Variants in TENM3 observed in about 807,000 individuals in gnomAD.
The protein encoded by TENM3 is teneurin-3.
Under a neutral mutation model 255.1 loss-of-function variants are expected in TENM3, and 63 were observed. The ratio of observed to expected loss-of-function variants is 0.25; its 90% CI spans 0.20 to 0.30. The LOEUF is 0.30. TENM3 is among the 10% of genes least tolerant of loss of function. The pLI is 1.00. For synonymous variants in TENM3, 1,306 were observed against 1,322.3 expected (o/e 0.99, Z 0.27); for missense variants, 2,929 against 3,461.1 (o/e 0.85, Z 3.86).
At chr4:182,070,177 C>T in the TENM3 span, among the ~76,000 whole-genome samples, 5 of 152,108 alleles carry the variant, frequency 3.3e-5, no homozygotes, top group South Asian at 2.1e-4. Flanking sequence ...TGGGTAGGGA[C>T]GATGTACCAT....
At chr4:182,731,227 C>T (rs563654133) in intron 16 of TENM3, 88 bp downstream of exon 16, 71 of 1,364,578 alleles carry the variant, frequency 5.2e-5, no homozygotes, top group Middle Eastern at 2.4e-4. Flanking sequence ...TTATAGAGTC[C>T]GGGCACGGTG....
chr4:181,791,343 G>A, the TENM3 span, among the ~76,000 whole-genome samples: 1 of 152,218 alleles, frequency 6.6e-6, no homozygotes, highest in Non-Finnish European at 1.5e-5. Context: ...TTTAAATCAT[G>A]TTTGAAGTCT....
chr4:182,498,976 A>G (rs1308791946), intron 3 of TENM3, among the ~76,000 whole-genome samples: 1 of 152,254 alleles, frequency 6.6e-6, no homozygotes, highest in Admixed American at 6.5e-5. Flanking sequence ...GCAAGTTTCT[A>G]AAGAGATCTC....
intron 5 of TENM3, among the ~76,000 whole-genome samples, chr4:182,640,029 G>T (rs888887766): frequency 6.6e-6 from 1 of 152,236 alleles, no homozygotes; most frequent in African/African-American, 2.4e-5. Context: ...GGCGGAGGTT[G>T]CGGTGAGCTG....
chr4:182,082,426 G>A, the TENM3 span, among the ~76,000 whole-genome samples: 22 of 152,096 alleles, frequency 1.4e-4, no homozygotes, highest in Non-Finnish European at 2.8e-4. Flanking sequence ...CAAACATTCA[G>A]ACCATAGCAA....
chr4:182,261,745 C>T (rs1004709181), intron 1 of TENM3, among the ~76,000 whole-genome samples: 3 of 152,222 alleles, frequency 2.0e-5, no homozygotes, highest in African/African-American at 4.8e-5. Flanking sequence ...CCAGTCCTAA[C>T]GCACCAGGAT....
chr4:182,430,910 G>A (rs909906700), intron 3 of TENM3, among the ~76,000 whole-genome samples: 1 of 151,828 alleles, frequency 6.6e-6, no homozygotes, highest in African/African-American at 2.4e-5. Context: ...TACTCGGGAG[G>A]CTAAGATAGG....
In TENM3 at chr4:182,371,961, A is replaced by G. The variant is rs377708842; in HGVS notation, c.511+25032A>G. On this transcript the variant is annotated intron_variant, in intron 3 of 27. Transcript: ENST00000511685. Reference sequence around the variant, plus strand: ...GAGAATACAATATGTGAGTTAATGAAAGGCTGTTCCACGAACCTGATATTT... The same window carrying G: ...GAGAATACAATATGTGAGTTAATGAGAGGCTGTTCCACGAACCTGATATTT... Among the ~76,000 whole-genome samples, 155 of 152,336 alleles carry G rather than the reference A, an allele frequency of 1.0e-3. 5 individuals are homozygous for G. The South Asian group carries it at 0.031, about 30-fold the overall frequency.
intron 2 of TENM3, among the ~76,000 whole-genome samples, chr4:182,326,685 C>G (rs2150521991): frequency 6.6e-6 from 1 of 151,600 alleles, no homozygotes; most frequent in Non-Finnish European, 1.5e-5. Context: ...CAAGTGCACA[C>G]CACCACCATG....
At chr4:182,050,091 C>T in the TENM3 span, among the ~76,000 whole-genome samples, 1 of 152,006 alleles carries the variant, frequency 6.6e-6, no homozygotes, top group Non-Finnish European at 1.5e-5. Flanking sequence ...CTCCCAGGTT[C>T]AAGCAATTCT....
rs2152798038 is a variant in TENM3, at chr4:182,773,586, A to G, written c.5007A>G (p.Glu1669=). ...ITVDIESSSR[E]EDVSITSNLS... ...TGGACATTGAGTCATCTAGCCGAGAAGAAGATGTCAGCATCACTTCAAATC... is the reference window on the plus strand; with the variant it reads ...TGGACATTGAGTCATCTAGCCGAGAGGAAGATGTCAGCATCACTTCAAATC... The change falls in exon 23 of 28, where the codon GAA becomes GAG. Residue 1669 remains glutamate (E), a synonymous_variant. Coordinates refer to ENST00000511685, the MANE Select transcript of TENM3 (RefSeq NM_001080477.4). 1.2e-6 allele frequency: 2 copies of G among 1,613,936 alleles called. No individual in the cohort carries two copies. The highest frequency in any genetic ancestry group is 1.7e-6 in the Non-Finnish European group (2 of 1,179,850).
chr4:182,726,936 G>A (rs1421689556), intron 13 of TENM3, among the ~76,000 whole-genome samples: 2 of 152,014 alleles, frequency 1.3e-5, no homozygotes, highest in Non-Finnish European at 1.5e-5. Context: ...GGCTAGTATA[G>A]TATTTTTTTA....
the TENM3 span, among the ~76,000 whole-genome samples, chr4:181,829,672 T>C: frequency 2.3e-3 from 346 of 152,332 alleles, 4 homozygotes; most frequent in African/African-American, 7.8e-3. Flanking sequence ...TAGCAGATGC[T>C]GCTGAACCGC....
intron 1 of TENM3, among the ~76,000 whole-genome samples, chr4:182,228,767 T>C (rs1756367527): frequency 1.3e-5 from 2 of 152,332 alleles, no homozygotes; most frequent in African/African-American, 4.8e-5. Context: ...TTTCAGAAAT[T>C]CATCCTTCAC....
Position 182,727,693 on chromosome 4 carries a change from A to G in TENM3, c.2369-1272A>G, listed in dbSNP as rs140513488. ...TTTATGTCATCAATACTATAGGTCAATTTTTCATGATGGATTTCTTATTAT... is the reference window on the plus strand; with the variant it reads ...TTTATGTCATCAATACTATAGGTCAGTTTTTCATGATGGATTTCTTATTAT... On this transcript the variant is annotated intron_variant, in intron 13 of 27. Coordinates refer to ENST00000511685, the MANE Select transcript of TENM3 (RefSeq NM_001080477.4). Among the ~76,000 whole-genome samples the G allele has an allele frequency of 1.5e-3, 225 of 152,044 alleles. 1 individual carries two copies. The highest frequency in any genetic ancestry group is 6.8e-3 in the Middle Eastern group (2 of 292).
intron 3 of TENM3, among the ~76,000 whole-genome samples, chr4:182,359,320 G>C (rs1424460150): frequency 1.3e-5 from 2 of 152,028 alleles, no homozygotes; most frequent in African/African-American, 2.4e-5. Context: ...GCACCTCTGG[G>C]AGAATTCGGC....
intron 3 of TENM3, among the ~76,000 whole-genome samples, chr4:182,513,556 G>A (rs1173443623): frequency 6.6e-6 from 1 of 151,990 alleles, no homozygotes; most frequent in Non-Finnish European, 1.5e-5. Context: ...AATAGATCTG[G>A]GATTAAATCT....
chr4:181,899,595 G>GTC, the TENM3 span, among the ~76,000 whole-genome samples: 1 of 151,848 alleles, frequency 6.6e-6, no homozygotes, highest in African/African-American at 2.4e-5. Context: ...TTGAGACAGA[G>GTC]TCTCTCTCTG....
intron 3 of TENM3, among the ~76,000 whole-genome samples, chr4:182,588,713 T>A (rs746187838): frequency 1.5e-4 from 23 of 152,188 alleles, no homozygotes; most frequent in Non-Finnish European, 1.8e-4. Context: ...TTTTTATGCA[T>A]GTATAAAAGA....
Sources: allele counts gnomAD v4.1 joint callset (sites outside exome capture counted in the v4.1 genomes callset), GRCh38; gene constraint gnomAD v4.1.1; transcripts MANE v1.5; gene names NCBI Gene and HGNC (gene_info 2026-07-23, HGNC 2026-07-21).